RBFOX1: variants seen among roughly 807,000 people sequenced by gnomAD.
The protein encoded by RBFOX1 is RNA binding fox-1 homolog 1.
A neutral mutation model predicts 57.7 loss-of-function variants in RBFOX1; 8 were observed. The ratio of observed to expected loss-of-function variants is 0.14; its 90% CI spans 0.08 to 0.25. RBFOX1 has a LOEUF of 0.25. RBFOX1 is among the 10% of genes least tolerant of loss of function. The pLI is 1.00. For synonymous variants in RBFOX1, 326 were observed against 222.4 expected, an observed-to-expected ratio of 1.47 and a Z score of -4.15; for missense variants, 611 against 548.5, an observed-to-expected ratio of 1.11 and a Z score of -1.14.
At chr16:6,726,372 A>T (rs2067174356) in intron 3 of RBFOX1, among the ~76,000 whole-genome samples, 1 of 148,988 alleles carries the variant, frequency 6.7e-6, no homozygotes, top group Non-Finnish European at 1.5e-5. Context: ...AAAAAATAAT[A>T]AATAAAAATA....
intron 3 of RBFOX1, chr16:6,873,880 T>C (rs142497849): frequency 2.6e-5 from 4 of 152,264 alleles, no homozygotes; most frequent in African/African-American, 9.6e-5. Flanking sequence ...GGAAGCATAG[T>C]ATCTGAAATA....
intron 14 of RBFOX1, among the ~76,000 whole-genome samples, chr16:7,687,324 C>T (rs1019259361): frequency 4.6e-5 from 7 of 151,894 alleles, no homozygotes; most frequent in African/African-American, 1.7e-4. Flanking sequence ...AAGGAACCTC[C>T]CTTTGAAGGT....
intron 3 of RBFOX1, among the ~76,000 whole-genome samples, chr16:6,986,986 T>C (rs2090431364): frequency 6.6e-6 from 1 of 152,186 alleles, no homozygotes; most frequent in Non-Finnish European, 1.5e-5. Flanking sequence ...TTATTGTGTT[T>C]GCCAGGGTTT....
At chr16:6,266,136 C>G (rs910189903) in intron 1 of RBFOX1, among the ~76,000 whole-genome samples, 1 of 152,192 alleles carries the variant, frequency 6.6e-6, no homozygotes, top group East Asian at 1.9e-4. Context: ...TCTGACTCAA[C>G]TTATTCTCTT....
At chr16:6,054,639 G>A (rs1021537591) in intron 1 of RBFOX1, among the ~76,000 whole-genome samples, 1 of 152,164 alleles carries the variant, frequency 6.6e-6, no homozygotes, top group Non-Finnish European at 1.5e-5. Flanking sequence ...TCTTGTTGTC[G>A]TTGGTTTAGA....
intron 13 of RBFOX1, among the ~76,000 whole-genome samples, chr16:7,671,339 A>G (rs1419057860): frequency 1.3e-5 from 2 of 152,164 alleles, no homozygotes; most frequent in Admixed American, 6.5e-5. Flanking sequence ...TTTGATCCCC[A>G]TCTCCACCTT....
chr16:6,850,436 A>G (rs986790428), intron 3 of RBFOX1, among the ~76,000 whole-genome samples: 1 of 152,048 alleles, frequency 6.6e-6, no homozygotes, highest in Non-Finnish European at 1.5e-5. Flanking sequence ...TGAGGGGTAA[A>G]GGATGACAAA....
chr16:6,526,829 C>CAAAAAAAAAAAAAAAAAAAAAAAAAA (rs541468859), intron 2 of RBFOX1, among the ~76,000 whole-genome samples: 1 of 32,892 alleles, frequency 3.0e-5, no homozygotes, highest in African/African-American at 1.1e-4. Context: ...GACTCTGTCT[C>CAAAAAAAAAAAAAAAAAAAAAAAAAA]AAAAAAAAAA....
At chr16:6,121,446 C>G (rs578239083) in intron 1 of RBFOX1, among the ~76,000 whole-genome samples, 72 of 152,302 alleles carry the variant, frequency 4.7e-4, no homozygotes, top group African/African-American at 1.7e-3. Context: ...TTGATCCTAC[C>G]TGCTTCTCTT....
chr16:7,462,022 G>A (rs753760676), intron 4 of RBFOX1, among the ~76,000 whole-genome samples: 2 of 152,182 alleles, frequency 1.3e-5, no homozygotes, highest in African/African-American at 4.8e-5. Flanking sequence ...CTCCTTACGT[G>A]CCTGAGGACA....
chr16:5,837,835 A>G (rs2056508247), intron 3 of RBFOX1, among the ~76,000 whole-genome samples: 1 of 152,154 alleles, frequency 6.6e-6, no homozygotes, highest in Non-Finnish European at 1.5e-5. Context: ...AGTATTGACC[A>G]TGCTTGGTGG....
At chr16:6,375,993 T>C (rs1249321545) in intron 2 of RBFOX1, among the ~76,000 whole-genome samples, 1 of 152,152 alleles carries the variant, frequency 6.6e-6, no homozygotes, top group Non-Finnish European at 1.5e-5. Flanking sequence ...CCCCCTCTGT[T>C]TTGTTTCATG....
intron 2 of RBFOX1, among the ~76,000 whole-genome samples, chr16:5,584,284 C>T (rs540072473): frequency 6.6e-6 from 1 of 152,338 alleles, no homozygotes; most frequent in African/African-American, 2.4e-5. Flanking sequence ...TCTCTTTCAG[C>T]AGCTCCCCTG....
At chr16:6,488,171 T>G (rs1206680118) in intron 2 of RBFOX1, among the ~76,000 whole-genome samples, 3 of 152,180 alleles carry the variant, frequency 2.0e-5, no homozygotes, top group Non-Finnish European at 4.4e-5. Flanking sequence ...CAGCCCTTCC[T>G]TTGCTCTTCA....
chr16:6,998,199 T>C (rs1310200458), intron 3 of RBFOX1, among the ~76,000 whole-genome samples: 1 of 152,180 alleles, frequency 6.6e-6, no homozygotes, highest in Non-Finnish European at 1.5e-5. Flanking sequence ...GGTGGATTAG[T>C]AGTGATTTAG....
chr16:5,824,563 C>T (rs903139921), intron 3 of RBFOX1, among the ~76,000 whole-genome samples: 5 of 152,188 alleles, frequency 3.3e-5, no homozygotes, highest in African/African-American at 9.7e-5. Context: ...ATGCAATTTC[C>T]CTCCTCCTGT....
At chr16:7,664,785 C>T in intron 12 of RBFOX1, 144 bp from the exon 13 acceptor site, 1 of 1,465,958 alleles carries the variant, frequency 6.8e-7, no homozygotes, top group East Asian at 2.3e-5. Flanking sequence ...TGTCTCCAAC[C>T]TCCTTAATCC....
chr16:7,441,231 G>T (rs190951161), intron 4 of RBFOX1, among the ~76,000 whole-genome samples: 4 of 152,280 alleles, frequency 2.6e-5, no homozygotes, highest in Admixed American at 2.6e-4. Context: ...ACCTCTGAAA[G>T]CTCTGCAAGG....
At chr16:6,553,196 C>G (rs2097024411) in intron 2 of RBFOX1, among the ~76,000 whole-genome samples, 1 of 152,120 alleles carries the variant, frequency 6.6e-6, no homozygotes, top group Admixed American at 6.5e-5. Flanking sequence ...TTCTGCAGCT[C>G]TTCTCACGCT....
Sources: allele counts gnomAD v4.1 joint callset (sites outside exome capture counted in the v4.1 genomes callset), GRCh38; gene constraint gnomAD v4.1.1; transcripts MANE v1.5; gene names NCBI Gene and HGNC (gene_info 2026-07-23, HGNC 2026-07-21).